SAMD5: variants seen among roughly 807,000 people sequenced by gnomAD.
SAMD5 encodes sterile alpha motif domain-containing protein 5.
A neutral mutation model predicts 11.3 loss-of-function variants in SAMD5; 13 were observed. That is an observed-to-expected ratio of 1.15 (90% CI 0.75 to 1.83). The LOEUF is 1.83. Ranked by LOEUF, SAMD5 falls within the 40% of genes most tolerant of loss-of-function variation. The pLI is 0.00. For synonymous variants in SAMD5, 129 were observed against 111.3 expected, an observed-to-expected ratio of 1.16 and a Z score of -1.00; for missense variants, 255 against 239.1, an observed-to-expected ratio of 1.07 and a Z score of -0.44.
At chr6:147,657,316 A>T (rs1378179951) in intron 1 of SAMD5, among the ~76,000 whole-genome samples, 1 of 152,188 alleles carries the variant, frequency 6.6e-6, no homozygotes, top group South Asian at 2.1e-4. Context: ...ATTAATGTTA[A>T]ATGTCCTGAA....
Position 147,564,568 on chromosome 6 carries a change from C to A in SAMD5, c.*112C>A. ...AATGGATGATGACCCTGGAAATACT[C>A]ATCAGCTTAACTTTTTGCTTGGACA... On this transcript the variant is annotated 3_prime_UTR_variant, in exon 2 of 2. Coordinates refer to ENST00000367474, the MANE Select transcript of SAMD5 (RefSeq NM_001030060.3). 1 of 1,216,590 alleles carries A rather than the reference C, an allele frequency of 8.2e-7. No individual in the cohort carries two copies. The highest frequency in any genetic ancestry group is 1.2e-6 in the Non-Finnish European group (1 of 860,334). The allele number at this position is 1,216,590 out of a possible 1,614,324, so 75.4% of individuals were successfully genotyped here. A position where few individuals can be genotyped will look rare whatever the true frequency, so the allele number is the denominator to read the frequency against.
At chr6:147,634,827 G>A (rs115694656) in intron 1 of SAMD5, among the ~76,000 whole-genome samples, 143 of 152,262 alleles carry the variant, frequency 9.4e-4, no homozygotes, top group African/African-American at 3.3e-3. Flanking sequence ...AGTGAAGGTT[G>A]TTTAGGGAAG....
rs1287135660 is a variant in SAMD5 at position 147,631,294 on chromosome 6, T to C, written c.163-106023T>C. On this transcript the variant is annotated intron_variant, in intron 1 of 1. Coordinates refer to the SAMD5 transcript ENST00000566741. ...AGGCGAAAAACAGGTATTAAAGGAC[T>C]AAGAATTGGGAGGACCCAGGACATC... Among the ~76,000 whole-genome samples, 4 of 152,150 alleles carry C rather than the reference T, an allele frequency of 2.6e-5. 1 individual carries two copies. Among genetic ancestry groups the C allele is most frequent in the Non-Finnish European group, 5.9e-5 (4 of 68,034 alleles).
chr6:147,882,547 A>T, the SAMD5 span, among the ~76,000 whole-genome samples: 1 of 152,208 alleles, frequency 6.6e-6, no homozygotes, highest in South Asian at 2.1e-4. Context: ...CACTATGAAT[A>T]GCCAAGCACT....
At chr6:147,556,892 C>G (rs1562319817) in intron 1 of SAMD5, among the ~76,000 whole-genome samples, 1 of 152,140 alleles carries the variant, frequency 6.6e-6, no homozygotes, top group Non-Finnish European at 1.5e-5. Flanking sequence ...AACCTTCTCT[C>G]TTGTCTTGCA....
chr6:147,786,649 A>C, the SAMD5 span, among the ~76,000 whole-genome samples: 15 of 152,256 alleles, frequency 9.9e-5, no homozygotes, highest in African/African-American at 2.7e-4. Context: ...AGAGAACAGC[A>C]GACTATTAAC....
rs181017655 is a variant in SAMD5, at chr6:147,605,184, C to G, written c.162+95797C>G. Among the ~76,000 whole-genome samples, 31 of 152,272 alleles carry G rather than the reference C, an allele frequency of 2.0e-4. 1 individual carries two copies. In the East Asian group the frequency reaches 5.6e-3, roughly 28 times the overall value. On this transcript the variant is annotated intron_variant, in intron 1 of 1. Coordinates refer to the SAMD5 transcript ENST00000566741. ...TCCAGGCTGGAGTGCATGATCATAT[C>G]TCACTGCAGCCTTGAACTCCTGGAC...
intron 1 of SAMD5, among the ~76,000 whole-genome samples, chr6:147,556,254 G>T (rs1272559463): frequency 6.6e-6 from 1 of 151,892 alleles, no homozygotes; most frequent in African/African-American, 2.4e-5. Flanking sequence ...CACCACGCCC[G>T]GCTAATTTTT....
chr6:147,871,175 G>A, the SAMD5 span, among the ~76,000 whole-genome samples: 30 of 152,004 alleles, frequency 2.0e-4, no homozygotes, highest in Admixed American at 1.0e-3. Flanking sequence ...AAACATTTTC[G>A]GCAGAGTGTT....
chr6:147,533,977 C>T (rs1465866518), intron 1 of SAMD5, among the ~76,000 whole-genome samples: 2 of 152,176 alleles, frequency 1.3e-5, no homozygotes, highest in Non-Finnish European at 2.9e-5. Flanking sequence ...ATAAACTGGG[C>T]ACCACAGTCA....
At chr6:147,582,548 G>T (rs2128446361) in intron 1 of SAMD5, among the ~76,000 whole-genome samples, 1 of 152,328 alleles carries the variant, frequency 6.6e-6, no homozygotes, top group African/African-American at 2.4e-5. Context: ...TTGTGCATTT[G>T]AAGTCGGCAT....
chr6:147,572,883 A>G (rs1397160198), downstream of SAMD5, among the ~76,000 whole-genome samples: 1 of 152,202 alleles, frequency 6.6e-6, no homozygotes, highest in Non-Finnish European at 1.5e-5. Flanking sequence ...TTTGTGACCC[A>G]TAATTTTGTC....
the SAMD5 span, among the ~76,000 whole-genome samples, chr6:147,912,333 A>G: frequency 6.6e-6 from 1 of 152,336 alleles, no homozygotes; most frequent in African/African-American, 2.4e-5. Flanking sequence ...TGAATCATTT[A>G]AAATTGGAAG....
chr6:147,751,831 C>CT, the SAMD5 span, among the ~76,000 whole-genome samples: 3 of 151,628 alleles, frequency 2.0e-5, no homozygotes, highest in Non-Finnish European at 4.4e-5. Flanking sequence ...TGGAAATATT[C>CT]TTTTTTTTCA....
rs576169075 is a variant in SAMD5, at chr6:147,529,287, ATAT to A, written c.459+19904_459+19906del. 4.5e-4 allele frequency among the ~76,000 whole-genome samples: 69 copies of A among 152,316 alleles called. 2 individuals are homozygous for A. In the South Asian group the frequency reaches 0.013, roughly 29 times the overall value. On this transcript the variant is annotated intron_variant, in intron 1 of 1. Coordinates refer to ENST00000367474, the MANE Select transcript of SAMD5 (RefSeq NM_001030060.3). ...ATAGGTTGGCAATCATGTTTTTAAA[ATAT>A]TATAAATATTGTTCTTCTAACCTTA... is the stretch of plus-strand genomic sequence containing the variant.
chr6:147,631,224 A>T (rs1044076232), intron 1 of SAMD5, among the ~76,000 whole-genome samples: 2 of 152,122 alleles, frequency 1.3e-5, no homozygotes, highest in Non-Finnish European at 2.9e-5. Context: ...ACGGTTTTGG[A>T]TGAATTGAGA....
chr6:147,534,584 GA>G (rs1788479964), intron 1 of SAMD5, among the ~76,000 whole-genome samples: 1 of 152,192 alleles, frequency 6.6e-6, no homozygotes, highest in South Asian at 2.1e-4. Flanking sequence ...AACTTGGTGG[GA>G]GGGGCGACGC....
the SAMD5 span, among the ~76,000 whole-genome samples, chr6:147,890,823 G>A: frequency 6.6e-6 from 1 of 151,708 alleles, no homozygotes; most frequent in Non-Finnish European, 1.5e-5. Context: ...TTCAGTTCTG[G>A]CAGTCCTATA....
intron 1 of SAMD5, among the ~76,000 whole-genome samples, chr6:147,593,008 TC>T (rs1789478624): frequency 2.7e-5 from 4 of 150,898 alleles, no homozygotes; most frequent in African/African-American, 9.9e-5. Context: ...TGTGGTAGAG[TC>T]CTGGGATACT....
Sources: gnomAD v4.1 joint callset for allele counts (sites outside exome capture counted in the v4.1 genomes callset) on GRCh38, gnomAD v4.1.1 for gene constraint, MANE v1.5 for transcripts, NCBI Gene and HGNC (gene_info 2026-07-23, HGNC 2026-07-21) for gene names.